NTM: variants seen among roughly 807,000 people sequenced by gnomAD.
The protein encoded by NTM is neurotrimin.
Under a neutral mutation model 42.1 loss-of-function variants are expected in NTM, and 13 were observed. The observed-to-expected ratio is 0.31, with a 90% CI of 0.20 to 0.49. NTM has a LOEUF of 0.49. NTM is among the 20% of genes least tolerant of loss of function. NTM has a pLI of 0.99. For missense variants in NTM, 373 were observed against 452.8 expected (o/e 0.82, Z 1.60); for synonymous variants, 187 against 179.2 (o/e 1.04, Z -0.35).
At chr11:131,970,807 T>A (rs911086559) in intron 2 of NTM, among the ~76,000 whole-genome samples, 1 of 152,212 alleles carries the variant, frequency 6.6e-6, no homozygotes, top group African/African-American at 2.4e-5. Context: ...AGGGGATCAT[T>A]GATCCCCAAA....
At chr11:132,069,857 C>T (rs1566077430) in intron 2 of NTM, among the ~76,000 whole-genome samples, 1 of 149,862 alleles carries the variant, frequency 6.7e-6, no homozygotes, top group Non-Finnish European at 1.5e-5. Context: ...CGTCACACAG[C>T]CAAGTTAACA....
intron 2 of NTM, among the ~76,000 whole-genome samples, chr11:132,065,491 A>G (rs971922736): frequency 6.6e-6 from 1 of 152,078 alleles, no homozygotes. Flanking sequence ...TCTTGTTCAT[A>G]TGATTGTTCA....
chr11:132,296,253 A>G (rs2094604781), intron 4 of NTM, among the ~76,000 whole-genome samples: 1 of 152,088 alleles, frequency 6.6e-6, no homozygotes, highest in Non-Finnish European at 1.5e-5. Context: ...AGATGTGGAG[A>G]TCATGAGCAC....
rs1430835900 is a variant in NTM at position 132,335,972 on chromosome 11, C to G, written c.*826C>G. The stretch of plus-strand genomic sequence containing the variant: ...TGGACCACACACCAGGCACTAATCA[C>G]CTGGTGAGGATTTGGCATATCCACC... On this transcript the variant is annotated 3_prime_UTR_variant, in exon 9 of 9. Transcript: ENST00000683400. 6.6e-6 allele frequency: 1 copy of G among 152,508 alleles called. No individual in the cohort carries two copies. Among genetic ancestry groups the G allele is most frequent in the Non-Finnish European group, 1.5e-5 (1 of 68,010 alleles). 9.4% of individuals were successfully genotyped at this position (152,508 alleles called of 1,614,324 possible). A position where few individuals can be genotyped will look rare whatever the true frequency, so the allele number is the denominator to read the frequency against.
chr11:132,182,195 T>C (rs1306730268), intron 3 of NTM, among the ~76,000 whole-genome samples: 1 of 152,086 alleles, frequency 6.6e-6, no homozygotes. Context: ...GTTTTGTTAG[T>C]AGTGTTTATT....
chr11:131,490,701 T>A (rs1441215013), intron 1 of NTM, among the ~76,000 whole-genome samples: 1 of 152,246 alleles, frequency 6.6e-6, no homozygotes, highest in Non-Finnish European at 1.5e-5. Context: ...TGGTCATGTT[T>A]TGTAAACTAC....
chr11:132,313,979 G>GA (rs930312304), intron 6 of NTM, among the ~76,000 whole-genome samples: 1 of 152,032 alleles, frequency 6.6e-6, no homozygotes, highest in Non-Finnish European at 1.5e-5. Flanking sequence ...CCCCTGATGA[G>GA]AAAAATGAGA....
chr11:131,914,257 G>A (rs2055869835), intron 2 of NTM, among the ~76,000 whole-genome samples: 1 of 152,158 alleles, frequency 6.6e-6, no homozygotes, highest in Non-Finnish European at 1.5e-5. Context: ...TTGTGTGTGT[G>A]TAGGGGGACA....
At chr11:131,401,155 A>C (rs1263608219) in intron 1 of NTM, among the ~76,000 whole-genome samples, 2 of 152,158 alleles carry the variant, frequency 1.3e-5, no homozygotes, top group African/African-American at 4.8e-5. Context: ...TTTAGCCTTT[A>C]ATTAAAAAAT....
chr11:132,049,330 G>A (rs2078507307), intron 2 of NTM, among the ~76,000 whole-genome samples: 1 of 152,184 alleles, frequency 6.6e-6, no homozygotes, highest in African/African-American at 2.4e-5. Context: ...CACTTCCTAG[G>A]AGAAAGGCAA....
In NTM at chr11:131,892,653, G is replaced by A. The variant is rs987106840; in HGVS notation, c.83-18911G>A. Reference sequence around the variant, plus strand: ...CCTCTTGTTAACAGACTTGAGGGTGGAGGAAATTTAAAGACGCTGCTGCCT... The same window carrying A: ...CCTCTTGTTAACAGACTTGAGGGTGAAGGAAATTTAAAGACGCTGCTGCCT... On this transcript the variant is annotated intron_variant, in intron 1 of 8. Coordinates refer to ENST00000683400, the MANE Select transcript of NTM (RefSeq NM_001352005.2). Among the ~76,000 whole-genome samples the A allele has an allele frequency of 3.3e-5, 5 of 152,252 alleles. No homozygotes were observed. The South Asian group carries it at 1.0e-3, about 32-fold the overall frequency.
intron 2 of NTM, among the ~76,000 whole-genome samples, chr11:132,043,801 T>C (rs947817137): frequency 1.3e-5 from 2 of 152,130 alleles, no homozygotes; most frequent in Non-Finnish European, 2.9e-5. Flanking sequence ...GAGGTAAGAT[T>C]GAAAATTCAA....
At chr11:132,104,990 T>A (rs1278621873) in intron 2 of NTM, among the ~76,000 whole-genome samples, 6 of 111,896 alleles carry the variant, frequency 5.4e-5, no homozygotes, top group African/African-American at 2.0e-4. Flanking sequence ...TATATATATA[T>A]ATTTCATGGG....
intron 1 of NTM, among the ~76,000 whole-genome samples, chr11:131,592,169 A>G (rs1390841673): frequency 6.6e-6 from 1 of 152,210 alleles, no homozygotes; most frequent in Non-Finnish European, 1.5e-5. Context: ...TCAAAGGATC[A>G]GAGGAACAGC....
In NTM at chr11:132,126,941, A is replaced by G. The variant is rs191835292; in HGVS notation, c.168-19341A>G. On this transcript the variant is annotated intron_variant, in intron 2 of 8. Coordinates refer to ENST00000683400, the MANE Select transcript of NTM (RefSeq NM_001352005.2). ...TTCAAATGTTGGGAAACTGAGGCAC[A>G]GCACATTAAGAACTATTTAACTTGC... is the stretch of plus-strand genomic sequence containing the variant. Among the ~76,000 whole-genome samples, 236 of 152,372 alleles carry G rather than the reference A, an allele frequency of 1.5e-3. 1 individual carries two copies. Among genetic ancestry groups the G allele is most frequent in the Admixed American group, 5.6e-3 (86 of 15,304 alleles).
intron 2 of NTM, among the ~76,000 whole-genome samples, chr11:131,996,816 T>C (rs1485741713): frequency 6.6e-6 from 1 of 152,166 alleles, no homozygotes; most frequent in East Asian, 1.9e-4. Flanking sequence ...GGAGTGTGTT[T>C]ATGCTCTGCC....
intron 1 of NTM, among the ~76,000 whole-genome samples, chr11:131,445,945 C>T (rs1234877236): frequency 6.6e-6 from 1 of 152,158 alleles, no homozygotes; most frequent in Non-Finnish European, 1.5e-5. Flanking sequence ...GTAATTGTGA[C>T]AAAGACTTGA....
chr11:131,913,728 T>C (rs2055741666), intron 2 of NTM, among the ~76,000 whole-genome samples: 1 of 152,128 alleles, frequency 6.6e-6, no homozygotes, highest in Admixed American at 6.5e-5. Context: ...TGGTGGAGCT[T>C]CCTTTCTAGA....
intron 1 of NTM, among the ~76,000 whole-genome samples, chr11:131,711,633 A>G (rs1414560810): frequency 2.6e-5 from 4 of 152,106 alleles, no homozygotes; most frequent in African/African-American, 7.2e-5. Context: ...ATTACTGGGT[A>G]TATACCCAAA....
Sources: allele counts gnomAD v4.1 joint callset (sites outside exome capture counted in the v4.1 genomes callset), GRCh38; gene constraint gnomAD v4.1.1; transcripts MANE v1.5; gene names NCBI Gene and HGNC (gene_info 2026-07-23, HGNC 2026-07-21).